The following SPEF2 variants were observed in gnomAD, a reference collection of about 807,000 sequenced individuals.
SPEF2 encodes the protein sperm flagellar and cilia associated 2.
In SPEF2, 187 loss-of-function variants were observed where a neutral mutation model predicts 224.6. That is an observed-to-expected ratio of 0.83 (90% CI 0.74 to 0.94). The LOEUF is 0.94. SPEF2 is among the 40% of genes least tolerant of loss of function. SPEF2 has a pLI of 0.00. For missense variants in SPEF2, 2,170 were observed against 2,135.6 expected, an observed-to-expected ratio of 1.02 and a Z score of -0.32; for synonymous variants, 715 against 707.3, an observed-to-expected ratio of 1.01 and a Z score of -0.17.
chr5:35,798,184 C>T (rs1756941846), intron 33 of SPEF2, among the ~76,000 whole-genome samples: 1 of 152,194 alleles, frequency 6.6e-6, no homozygotes, highest in African/African-American at 2.4e-5. Flanking sequence ...ACCCAGCTTG[C>T]AGATCAAATC....
chr5:35,735,379 A>T (rs1746406891), intron 21 of SPEF2, among the ~76,000 whole-genome samples: 1 of 152,232 alleles, frequency 6.6e-6, no homozygotes, highest in African/African-American at 2.4e-5. Flanking sequence ...TAAGAAAGTT[A>T]GTGTGAATGT....
intron 18 of SPEF2, among the ~76,000 whole-genome samples, chr5:35,707,833 C>T (rs532088377): frequency 5.9e-4 from 90 of 152,268 alleles, no homozygotes; most frequent in Middle Eastern, 3.4e-3. Flanking sequence ...TGTCTTTGCT[C>T]AGATGTCACC....
intron 33 of SPEF2, 114 bp from the exon 34 acceptor site, chr5:35,799,854 A>C (rs1757187750): frequency 9.1e-7 from 1 of 1,104,530 alleles, no homozygotes; most frequent in African/African-American, 1.6e-5. Context: ...TTACTAATTC[A>C]ATCCTCAGAA....
intron 20 of SPEF2, among the ~76,000 whole-genome samples, chr5:35,717,471 C>G (rs567900255): frequency 3.6e-4 from 55 of 152,250 alleles, no homozygotes; most frequent in African/African-American, 1.3e-3. Flanking sequence ...AATTTAGTAT[C>G]AATGTTATAA....
At position 35,783,633 on chromosome 5, in the gene SPEF2, A is replaced by G. The variant is rs187871431; in HGVS notation, c.4447+4287A>G. Among the ~76,000 whole-genome samples the G allele has an allele frequency of 1.1e-4, 16 of 152,310 alleles. No homozygotes were observed. The East Asian group carries it at 2.9e-3, about 28-fold the overall frequency. On this transcript the variant is annotated intron_variant, in intron 30 of 36. Coordinates refer to ENST00000356031, the MANE Select transcript of SPEF2 (RefSeq NM_024867.4). ...GGAAATACCCTAGTAGGCATTTGCA[A>G]TATTACCCCTGAGTGCTTCCAAAAA...
chr5:35,728,695 A>C (rs370331671), intron 21 of SPEF2, among the ~76,000 whole-genome samples: 2 of 152,196 alleles, frequency 1.3e-5, no homozygotes, highest in East Asian at 1.9e-4. Flanking sequence ...TGTATTCAAC[A>C]CAAACACAGT....
rs563026812 is a variant in SPEF2 at position 35,691,235 on chromosome 5, A to C, written c.1723A>C (p.Ile575Leu). The change falls in exon 11 of 37, where the codon ATT (isoleucine) becomes CTT (leucine). Residue 575 changes from isoleucine to leucine, a missense_variant. By Grantham distance (5) the Ile-to-Leu change is conservative. Coordinates refer to ENST00000356031, the MANE Select transcript of SPEF2 (RefSeq NM_024867.4). ...LGKTLSGKTT[I>L]LRSLQKDFPI... ...GAAAACATTAAGTGGAAAAACTACC[A>C]TTTTAAGGTCTCTACAAAAAGGTAG... is the stretch of plus-strand genomic sequence containing the variant. 6 of 1,613,852 alleles carry C rather than the reference A, an allele frequency of 3.7e-6. No individual in the cohort carries two copies. In the African/African-American group the frequency reaches 8.0e-5, roughly 22 times the overall value.
chr5:35,671,794 G>A (rs1428372561), intron 10 of SPEF2, among the ~76,000 whole-genome samples: 3 of 151,714 alleles, frequency 2.0e-5, no homozygotes, highest in East Asian at 1.9e-4. Context: ...GCAGAAAATT[G>A]TAAACTTTTG....
intron 36 of SPEF2, among the ~76,000 whole-genome samples, chr5:35,810,650 C>T (rs1273656559): frequency 6.6e-6 from 1 of 152,136 alleles, no homozygotes; most frequent in East Asian, 1.9e-4. Context: ...CCCTGTATTC[C>T]AGGAACATCC....
intron 20 of SPEF2, among the ~76,000 whole-genome samples, chr5:35,719,978 C>T (rs10069346): frequency 0.039 from 5,962 of 152,156 alleles, 194 homozygotes; most frequent in African/African-American, 0.075. Flanking sequence ...ACTGCGTAGA[C>T]GAAGGTATGA....
In SPEF2 at chr5:35,793,197, G is replaced by C. The variant is rs985316613; in HGVS notation, c.4593G>C (p.Glu1531Asp). ...ELTSLLTVNS[E>D]FVDWRKFLLV... ...CATCTTTATTAACAGTCAACTCCGA[G>C]TTCGTGGACTGGCGGAAGTTCCTGT... The change falls in exon 32 of 37, where the codon GAG becomes GAC. Residue 1531 changes from glutamate (E) to aspartate (D), a missense_variant. Coordinates refer to ENST00000356031, the MANE Select transcript of SPEF2 (RefSeq NM_024867.4). 6 of 1,613,994 alleles carry C rather than the reference G, an allele frequency of 3.7e-6. No individual in the cohort carries two copies. The highest frequency in any genetic ancestry group is 4.2e-6 in the Non-Finnish European group (5 of 1,180,018).
At chr5:35,649,636 G>A (rs777768660) in intron 6 of SPEF2, among the ~76,000 whole-genome samples, 10 of 152,134 alleles carry the variant, frequency 6.6e-5, no homozygotes, top group South Asian at 2.1e-4. Flanking sequence ...AGACTATTAC[G>A]AAATGTAAAG....
At chr5:35,647,138 G>A (rs750709909) in intron 5 of SPEF2, among the ~76,000 whole-genome samples, 3 of 152,218 alleles carry the variant, frequency 2.0e-5, no homozygotes, top group Non-Finnish European at 4.4e-5. Flanking sequence ...CTTATCCATT[G>A]TGTTGCTATA....
chr5:35,671,601 T>G, intron 10 of SPEF2: 1 of 843,574 alleles, frequency 1.2e-6, no homozygotes, highest in Non-Finnish European at 1.4e-6. Flanking sequence ...GAATGTTTAT[T>G]TCTAAATTAC....
At chr5:35,734,836 C>T (rs772243537) in intron 21 of SPEF2, among the ~76,000 whole-genome samples, 59 of 151,530 alleles carry the variant, frequency 3.9e-4, no homozygotes, top group Non-Finnish European at 3.5e-4. Flanking sequence ...CTCAGCCTCC[C>T]AAGTAGCTGA....
intron 21 of SPEF2, among the ~76,000 whole-genome samples, chr5:35,737,233 T>G (rs1746769370): frequency 6.6e-6 from 1 of 152,110 alleles, no homozygotes; most frequent in African/African-American, 2.4e-5. Context: ...TTTATTATAC[T>G]TTTAAGTTTT....
chr5:35,692,999 T>G (rs1276634109), intron 12 of SPEF2, among the ~76,000 whole-genome samples: 1 of 152,148 alleles, frequency 6.6e-6, no homozygotes, highest in African/African-American at 2.4e-5. Flanking sequence ...TGGACTGTCT[T>G]GTGTGATGGG....
intron 36 of SPEF2, 32 bp downstream of exon 36, chr5:35,807,285 T>C (rs745502204): frequency 1.1e-5 from 18 of 1,598,122 alleles, no homozygotes; most frequent in East Asian, 2.2e-5. Flanking sequence ...TCTAATTTGG[T>C]TGGGCTCCAG....
chr5:35,618,208 T>A (rs1288089532), intron 1 of SPEF2, among the ~76,000 whole-genome samples, 153 bp downstream of exon 1: 1 of 152,050 alleles, frequency 6.6e-6, no homozygotes, highest in Non-Finnish European at 1.5e-5. Context: ...AGTGAGCAAC[T>A]CGGCTCGGCG....
Sources: allele counts gnomAD v4.1 joint callset (sites outside exome capture counted in the v4.1 genomes callset), GRCh38; gene constraint gnomAD v4.1.1; transcripts MANE v1.5; gene names NCBI Gene and HGNC (gene_info 2026-07-23, HGNC 2026-07-21).